IQCC: variants seen among roughly 807,000 people sequenced by gnomAD.
IQCC encodes the protein IQ domain-containing protein C.
Under a neutral mutation model 27.0 loss-of-function variants are expected in IQCC, and 23 were observed. The observed-to-expected ratio is 0.85, with a 90% CI of 0.61 to 1.21. IQCC has a LOEUF of 1.21. IQCC is among the 50% of genes most tolerant of loss of function. IQCC has a pLI of 0.00. For missense variants in IQCC, 552 were observed against 562.3 expected, an observed-to-expected ratio of 0.98 and a Z score of 0.19; for synonymous variants, 220 against 217.2, an observed-to-expected ratio of 1.01 and a Z score of -0.11.
In IQCC at chr1:32,207,589, A is replaced by G; in HGVS notation, c.908A>G (p.Asp303Gly). 6.2e-7 allele frequency: 1 copy of G among 1,613,516 alleles called. No individual in the cohort carries two copies. Among genetic ancestry groups the G allele is most frequent in the Non-Finnish European group, 8.5e-7 (1 of 1,179,846 alleles). Residue 303 changes from aspartate (D) to glycine (G), a missense_variant, in exon 5 of 5, where the codon GAC becomes GGC. Coordinates refer to ENST00000291358, the MANE Select transcript of IQCC (RefSeq NM_018134.3). ...ALGDRLTKGP[D>G]DGRQTFGGTC... ...GGGGACAGGCTCACCAAAGGGCCAG[A>G]CGATGGAAGACAGACCTTTGGAGGG...
rs767339249 is a variant in IQCC, at chr1:32,206,000, G to GCGCCCCGGAGCCC, written c.43-153_43-152insGCCCCGGAGCCCC. 47 of 1,576,206 alleles carry GCGCCCCGGAGCCC rather than the reference G, an allele frequency of 3.0e-5. No individual in the cohort carries two copies. Among genetic ancestry groups the GCGCCCCGGAGCCC allele is most frequent in the Non-Finnish European group, 1.6e-5 (18 of 1,159,654 alleles). On this transcript the variant is annotated intron_variant, in intron 1 of 4. Transcript: ENST00000291358. The surrounding 1 kb of genome is among the most constrained non-coding windows in gnomAD (Gnocchi z 5.6). ...CATCCAGTCTGGCATCGTCCCTCGA[G>GCGCCCCGGAGCCC]CCCCCCGGAGCCCTAGCGCACAGCC...
rs746515909 is a variant in IQCC, at chr1:32,205,812, C to T, written c.42+89C>T. ...TGGACCTCCCAGCGAGATGCTACCA[C>T]GTTCAGTCCCCTAACTGCGCGCCAA... On this transcript the variant is annotated intron_variant, in intron 1 of 4. Transcript: ENST00000291358. This position sits in a 1 kb window ranked among gnomAD's most constrained non-coding sequence, Gnocchi z 5.6. 4.4e-6 allele frequency: 7 copies of T among 1,574,512 alleles called. No individual in the cohort carries two copies. The highest frequency in any genetic ancestry group is 5.2e-6 in the Non-Finnish European group (6 of 1,160,422).
At chr1:32,206,053 C>G in intron 1 of IQCC, 101 bp from the exon 2 acceptor site, 5 of 1,600,474 alleles carry the variant, frequency 3.1e-6, no homozygotes, top group Non-Finnish European at 4.3e-6. Flanking sequence ...CCGTCAGGTC[C>G]CCTCTTGCAT....
Position 32,207,674 on chromosome 1 carries a change from G to C in IQCC, c.993G>C (p.Arg331Ser), listed in dbSNP as rs746206457. The change falls in exon 5 of 5, where the codon AGG becomes AGC. Residue 331 changes from arginine to serine, a missense_variant. Coordinates refer to ENST00000291358, the MANE Select transcript of IQCC (RefSeq NM_018134.3). Reference sequence around the variant, plus strand: ...AGACCCCCAGAGGTTTAAAACCTAGGAACCATTGTCCCAGGAAGTCCAGGA... The same window carrying C: ...AGACCCCCAGAGGTTTAAAACCTAGCAACCATTGTCCCAGGAAGTCCAGGA... ...EDQTPRGLKP[R>S]NHCPRKSRTQ... The C allele has an allele frequency of 6.2e-7, 1 of 1,614,066 alleles. No individual in the cohort carries two copies. Among genetic ancestry groups the C allele is most frequent in the South Asian group, 1.1e-5 (1 of 91,086 alleles).
In IQCC at chr1:32,208,103, G is replaced by A. The variant is rs1643435167; in HGVS notation, c.*21G>A. ...GCTAGACCCTAGGAAGCCAGGAGAG[G>A]ATCAGGTTCCAAAGGGGAATGCTAT... is the stretch of plus-strand genomic sequence containing the variant. On this transcript the variant is annotated 3_prime_UTR_variant, in exon 5 of 5. Transcript: ENST00000291358. The A allele has an allele frequency of 6.4e-7, 1 of 1,569,496 alleles. No homozygotes were observed. Among genetic ancestry groups the A allele is most frequent in the East Asian group, 2.3e-5 (1 of 43,708 alleles).
intron 2 of IQCC, 103 bp from the exon 3 acceptor site, chr1:32,206,406 A>G (rs565978401): frequency 1.9e-6 from 3 of 1,598,460 alleles, no homozygotes; most frequent in South Asian, 1.1e-5. Context: ...TCACCTCCTC[A>G]CACCCCACTC....
Position 32,207,312 on chromosome 1 carries a change from G to A in IQCC, c.631G>A (p.Glu211Lys), listed in dbSNP as rs1274234235. The change falls in exon 5 of 5, where the codon GAA (glutamate) becomes AAA (lysine). Residue 211 changes from glutamate (E) to lysine (K), a missense_variant. Coordinates refer to ENST00000291358, the MANE Select transcript of IQCC (RefSeq NM_018134.3). ...CAGAGAGGAACCCCGCGTGTTCCTA[G>A]AACATGGGGAACAGGCCTGTGAGAG... ...PIREEPRVFLEHGEQACERDQ... is the reference protein window; with the variant it reads ...PIREEPRVFLKHGEQACERDQ... The A allele has an allele frequency of 3.1e-6, 5 of 1,613,974 alleles. No individual in the cohort carries two copies. The highest frequency in any genetic ancestry group is 4.2e-6 in the Non-Finnish European group (5 of 1,179,978).
In IQCC at chr1:32,207,988, C is replaced by T; in HGVS notation, c.1307C>T (p.Ser436Leu). The change falls in exon 5 of 5, where the codon TCA (serine) becomes TTA (leucine). Residue 436 changes from serine (S) to leucine (L), a missense_variant. Ser to Leu is a moderately radical substitution (Grantham distance 145). Transcript: ENST00000291358. ...AAGCAGAGGACTATACCATGGAGAT[C>T]AAAGTCACCTGAGATTCTGTCTTCT... is the stretch of plus-strand genomic sequence containing the variant. The part of the protein sequence containing the change: ...QKKQRTIPWR[S>L]KSPEILSSTK... The T allele has an allele frequency of 6.2e-7, 1 of 1,614,132 alleles. No homozygotes were observed. The highest frequency in any genetic ancestry group is 8.5e-7 in the Non-Finnish European group (1 of 1,179,996).
rs1342120219 is a variant in IQCC, at chr1:32,208,260, AG to A, written c.*180del. The stretch of plus-strand genomic sequence containing the variant: ...AGAGCTGGCATGAGTATAGGGAAGG[AG>A]GAAGGACACATTTTCAATCCTCTGC... On this transcript the variant is annotated 3_prime_UTR_variant, in exon 5 of 5. Coordinates refer to ENST00000291358, the MANE Select transcript of IQCC (RefSeq NM_018134.3). 4 of 640,750 alleles carry A rather than the reference AG, an allele frequency of 6.2e-6. No homozygotes were observed. The highest frequency in any genetic ancestry group is 1.1e-5 in the Non-Finnish European group (4 of 378,828). The allele number at this position is 640,750 out of a possible 1,614,324, so 39.7% of individuals were successfully genotyped here.
In IQCC at chr1:32,206,562, G is replaced by C; in HGVS notation, c.240G>C (p.Glu80Asp). The change falls in exon 3 of 5, where the codon GAG (glutamate) becomes GAC (aspartate). Residue 80 changes from glutamate to aspartate, a missense_variant. Transcript: ENST00000291358. ...WKAGDRVANP[E>D]QGLWNHFPCE... Reference sequence around the variant, plus strand: ...CAGGAGACAGGGTAGCAAATCCAGAGCAGGGGCTGTGGAACCACTTCCCAT... The same window carrying C: ...CAGGAGACAGGGTAGCAAATCCAGACCAGGGGCTGTGGAACCACTTCCCAT... 1 of 1,614,222 alleles carries C rather than the reference G, an allele frequency of 6.2e-7. No individual in the cohort carries two copies. Among genetic ancestry groups the C allele is most frequent in the East Asian group, 2.2e-5 (1 of 44,892 alleles).
intron 4 of IQCC, 49 bp downstream of exon 4, chr1:32,207,169 G>T: frequency 1.0e-5 from 16 of 1,600,708 alleles, no homozygotes; most frequent in Non-Finnish European, 1.4e-5. Flanking sequence ...CAAGGGTGGG[G>T]GTTAGGGAGA....
In IQCC at chr1:32,208,059, T is replaced by C. The variant is rs776598316; in HGVS notation, c.1378T>C (p.Trp460Arg). The change falls in exon 5 of 5, where the codon TGG (tryptophan) becomes CGG (arginine). Residue 460 changes from tryptophan to arginine, a missense_variant. By Grantham distance (101) the Trp-to-Arg change is moderately radical. Coordinates refer to ENST00000291358, the MANE Select transcript of IQCC (RefSeq NM_018134.3). ...AGAGGAACAGTGGAGGGGCAGGCCA[T>C]GGAAAACAGAACCACCTGGCTAGAC... The part of the protein sequence containing the change: ...TGEEQWRGRP[W>R]KTEPPG 6.2e-7 allele frequency: 1 copy of C among 1,612,104 alleles called. No individual in the cohort carries two copies. Among genetic ancestry groups the C allele is most frequent in the African/African-American group, 1.3e-5 (1 of 74,916 alleles).
Position 32,205,730 on chromosome 1 carries a change from G to A in IQCC, c.42+7G>A, listed in dbSNP as rs756251808. The A allele has an allele frequency of 6.2e-7, 1 of 1,611,964 alleles. No individual in the cohort carries two copies. Among genetic ancestry groups the A allele is most frequent in the African/African-American group, 1.3e-5 (1 of 75,054 alleles). On this transcript the variant is annotated splice_region_variant and intron_variant, in intron 1 of 4. Coordinates refer to ENST00000291358, the MANE Select transcript of IQCC (RefSeq NM_018134.3). This position sits in a 1 kb window ranked among gnomAD's most constrained non-coding sequence, Gnocchi z 5.6. ...GAAGGTGTCTGCATTGCAGGTGCGG[G>A]GGCGGGCGCGGGGTTCACAGGATTT... is the stretch of plus-strand genomic sequence containing the variant.
chr1:32,205,869 C>T lies in IQCC; in HGVS notation c.42+146C>T, dbSNP rs1167473105. Reference sequence around the variant, plus strand: ...GAGATACCGGCTGTCCCCAACCGCGCTGAGGAAAGCTGGGACCCACGGACT... The same window carrying T: ...GAGATACCGGCTGTCCCCAACCGCGTTGAGGAAAGCTGGGACCCACGGACT... On this transcript the variant is annotated intron_variant, in intron 1 of 4. Coordinates refer to ENST00000291358, the MANE Select transcript of IQCC (RefSeq NM_018134.3). This position sits in a 1 kb window ranked among gnomAD's most constrained non-coding sequence, Gnocchi z 5.6. 6.4e-7 allele frequency: 1 copy of T among 1,552,256 alleles called. No homozygotes were observed. Among genetic ancestry groups the T allele is most frequent in the African/African-American group, 1.4e-5 (1 of 73,186 alleles).
rs1557525012 is a variant in IQCC at position 32,207,741 on chromosome 1, A to T, written c.1060A>T (p.Met354Leu). The T allele has an allele frequency of 1.9e-6, 3 of 1,613,922 alleles. No homozygotes were observed. Among genetic ancestry groups the T allele is most frequent in the Non-Finnish European group, 2.5e-6 (3 of 1,180,012 alleles). ...ALYEDSNIKE[M>L]SPRKLDHKEP... ...CTATGAGGACTCAAATATTAAGGAGATGTCTCCCAGAAAACTAGACCACAA... is the reference window on the plus strand; with the variant it reads ...CTATGAGGACTCAAATATTAAGGAGTTGTCTCCCAGAAAACTAGACCACAA... Residue 354 changes from methionine (M) to leucine (L), a missense_variant, in exon 5 of 5, where the codon ATG becomes TTG. By Grantham distance (15) the Met-to-Leu change is conservative. Coordinates refer to ENST00000291358, the MANE Select transcript of IQCC (RefSeq NM_018134.3).
chr1:32,206,820 T>C (rs1334483807), intron 3 of IQCC, 59 bp downstream of exon 3: 3 of 1,582,290 alleles, frequency 1.9e-6, no homozygotes, highest in African/African-American at 2.7e-5. Flanking sequence ...CAGCCTCCCA[T>C]CTGAAGAGTG....
Position 32,207,119 on chromosome 1 carries a change from A to T in IQCC, c.557A>T (p.Glu186Val), listed in dbSNP as rs775287195. 1 of 1,604,100 alleles carries T rather than the reference A, an allele frequency of 6.2e-7. No homozygotes were observed. Among genetic ancestry groups the T allele is most frequent in the Non-Finnish European group, 8.5e-7 (1 of 1,173,464 alleles). The part of the protein sequence containing the change: ...WLQQAINSRK[E>V]YLLLKQTLRS... ...CAACAGGCCATCAATAGCCGTAAGG[A>T]GGTAACACTAACCTGGAACTCTTTC... Residue 186 changes from glutamate (E) to valine (V), a missense_variant and splice_region_variant, in exon 4 of 5, where the codon GAG becomes GTG. Transcript: ENST00000291358.
chr1:32,207,247 T>G lies in IQCC; in HGVS notation c.566T>G (p.Leu189Arg). ...TGTTCTCTCCCCCAACAGTACCTAC[T>G]TCTTAAACAAACACTGAGATCCCCA... ...QAINSRKEYLLLKQTLRSPEA... is the reference protein window; with the variant it reads ...QAINSRKEYLRLKQTLRSPEA... Residue 189 changes from leucine to arginine, a missense_variant, in exon 5 of 5, where the codon CTT (leucine) becomes CGT (arginine). Coordinates refer to ENST00000291358, the MANE Select transcript of IQCC (RefSeq NM_018134.3). The G allele has an allele frequency of 6.2e-7, 1 of 1,614,016 alleles. No individual in the cohort carries two copies. The highest frequency in any genetic ancestry group is 8.5e-7 in the Non-Finnish European group (1 of 1,179,930).
In IQCC at chr1:32,205,905, C is replaced by T; in HGVS notation, c.42+182C>T. On this transcript the variant is annotated intron_variant, in intron 1 of 4. Transcript: ENST00000291358. The surrounding 1 kb of genome is among the most constrained non-coding windows in gnomAD (Gnocchi z 5.6). ...TGGGACCCACGGACTCCCTGCCCTG[C>T]GCGTCCCCACTCCCACCACACGCTC... The T allele has an allele frequency of 6.4e-7, 1 of 1,551,404 alleles. No individual in the cohort carries two copies. The highest frequency in any genetic ancestry group is 8.7e-7 in the Non-Finnish European group (1 of 1,147,190).
Sources: gnomAD v4.1 joint callset for allele counts on GRCh38, gnomAD v4.1.1 for gene constraint, Gnocchi (gnomAD v3.1) non-coding constraint, MANE v1.5 for transcripts, NCBI Gene and HGNC (gene_info 2026-07-23, HGNC 2026-07-21) for gene names.